The following KCNIP1 variants were observed in gnomAD, a reference collection of about 807,000 sequenced individuals.
KCNIP1 encodes A-type potassium channel modulatory protein KCNIP1.
A neutral mutation model predicts 33.0 loss-of-function variants in KCNIP1; 18 were observed. That is an observed-to-expected ratio of 0.55 (90% CI 0.38 to 0.81). The LOEUF (loss-of-function observed/expected upper bound fraction) is 0.81, where lower values mean the gene tolerates loss of function less well. Among genes scored for constraint, KCNIP1 ranks in the 30% least tolerant of loss-of-function variants. The probability of loss-of-function intolerance (pLI) is 0.00; values close to 1 mark genes in which losing one functional copy is unlikely to be tolerated. For synonymous variants in KCNIP1, 93 were observed against 98.3 expected (o/e 0.95, Z 0.32); for missense variants, 238 against 271.6 (o/e 0.88, Z 0.87).
Position 170,505,659 on chromosome 5 carries a change from C to T in KCNIP1, c.61+1026C>T, listed in dbSNP as rs183594953. 3.9e-5 allele frequency among the ~76,000 whole-genome samples: 6 copies of T among 152,250 alleles called. No individual in the cohort carries two copies. The East Asian group carries it at 1.2e-3, about 29-fold the overall frequency. On this transcript the variant is annotated intron_variant, in intron 1 of 7. Coordinates refer to ENST00000328939, the MANE Select transcript of KCNIP1 (RefSeq NM_014592.4). ...AAGGGACCCCAAGTGAACAATAAGT[C>T]TCCTCTTAGAACTTGGTTGGTCTCA...
intron 1 of KCNIP1, among the ~76,000 whole-genome samples, chr5:170,417,989 G>A (rs187031769): frequency 2.8e-4 from 43 of 152,224 alleles, no homozygotes; most frequent in Non-Finnish European, 5.1e-4. Flanking sequence ...GTGCTGCCAC[G>A]TTAAATTCTC....
chr5:170,608,899 A>G (rs1481184545), intron 1 of KCNIP1, among the ~76,000 whole-genome samples: 1 of 152,170 alleles, frequency 6.6e-6, no homozygotes, highest in Non-Finnish European at 1.5e-5. Context: ...TAAAAGTCCA[A>G]GTGGGAAGCA....
intron 1 of KCNIP1, among the ~76,000 whole-genome samples, chr5:170,596,924 G>C (rs1758459803): frequency 6.6e-6 from 1 of 152,220 alleles, no homozygotes; most frequent in Non-Finnish European, 1.5e-5. Flanking sequence ...AGCTCACGCT[G>C]AGTGAGCACT....
chr5:170,403,483 G>C (rs1473380450), intron 1 of KCNIP1, among the ~76,000 whole-genome samples: 1 of 152,210 alleles, frequency 6.6e-6, no homozygotes, highest in Admixed American at 6.5e-5. Flanking sequence ...GGATGGGGCT[G>C]TAGGCAGCAT....
rs888490379 is a variant in KCNIP1 at position 170,399,343 on chromosome 5, G to A, written c.88+45379G>A. Among the ~76,000 whole-genome samples, 6 of 152,156 alleles carry A rather than the reference G, an allele frequency of 3.9e-5. No individual in the cohort carries two copies. In the East Asian group the frequency reaches 7.7e-4, roughly 20 times the overall value. ...GACCATTAGCATTAACCTTAAACAC[G>A]CTTTGTGAATGCCTGCCTGCTCACT... On this transcript the variant is annotated intron_variant, in intron 1 of 7. Transcript: ENST00000377360.
intron 1 of KCNIP1, chr5:170,389,812 T>A (rs191053013): frequency 6.6e-6 from 1 of 152,348 alleles, no homozygotes; most frequent in East Asian, 1.9e-4. Context: ...CTGAGCAAGT[T>A]ATGGCACCTC....
At chr5:170,684,399 GC>G (rs1762470156) in intron 1 of KCNIP1, among the ~76,000 whole-genome samples, 2 of 152,168 alleles carry the variant, frequency 1.3e-5, no homozygotes, top group Admixed American at 1.3e-4. Context: ...GCCTCTTCCA[GC>G]TTTTGGTAGC....
intron 1 of KCNIP1, among the ~76,000 whole-genome samples, chr5:170,528,123 C>T (rs1318220211): frequency 2.6e-5 from 4 of 152,042 alleles, no homozygotes; most frequent in Non-Finnish European, 5.9e-5. Context: ...TGCCTGGGGC[C>T]TGCCCTGGAG....
intron 1 of KCNIP1, among the ~76,000 whole-genome samples, chr5:170,559,594 C>T (rs1262166451): frequency 6.6e-6 from 1 of 152,180 alleles, no homozygotes; most frequent in African/African-American, 2.4e-5. Context: ...ATACGTACCC[C>T]TCTTCTATTG....
chr5:170,585,158 G>GA (rs58665901), intron 1 of KCNIP1, among the ~76,000 whole-genome samples: 24,698 of 151,152 alleles, frequency 0.16, 2,132 homozygotes, highest in African/African-American at 0.24. Flanking sequence ...AGAAAAAAAA[G>GA]AAAAAAAAAT....
intron 1 of KCNIP1, among the ~76,000 whole-genome samples, chr5:170,636,569 C>T (rs1295766249): frequency 1.3e-5 from 2 of 152,168 alleles, no homozygotes; most frequent in African/African-American, 4.8e-5. Context: ...CAATATGACA[C>T]GGCCACGCTT....
intron 1 of KCNIP1, among the ~76,000 whole-genome samples, chr5:170,454,870 T>TA (rs1308114014): frequency 1.3e-5 from 2 of 152,102 alleles, no homozygotes; most frequent in Non-Finnish European, 2.9e-5. Context: ...CAATGAAGGT[T>TA]AAAAAAATAT....
chr5:170,552,814 A>G (rs1418999682), intron 1 of KCNIP1, among the ~76,000 whole-genome samples: 2 of 152,246 alleles, frequency 1.3e-5, no homozygotes, highest in African/African-American at 4.8e-5. Flanking sequence ...GCTGCAGGGC[A>G]GGAACTGTAG....
Position 170,709,195 on chromosome 5 carries a change from A to G in KCNIP1, c.62-9563A>G, listed in dbSNP as rs547132235. Among the ~76,000 whole-genome samples, 230 of 152,286 alleles carry G rather than the reference A, an allele frequency of 1.5e-3. 1 individual carries two copies. Among genetic ancestry groups the G allele is most frequent in the Non-Finnish European group, 2.6e-3 (180 of 68,024 alleles). On this transcript the variant is annotated intron_variant, in intron 1 of 7. Transcript: ENST00000328939. ...TAATTATGTTGCTCAGATCTTCTAT[A>G]CCCCTATTGATTTTTTTGTCTGTTT...
chr5:170,433,945 C>T (rs899857788), intron 1 of KCNIP1, among the ~76,000 whole-genome samples: 1 of 152,186 alleles, frequency 6.6e-6, no homozygotes, highest in African/African-American at 2.4e-5. Flanking sequence ...TGCAGAGGGG[C>T]CTCCTGCTCA....
upstream of KCNIP1, among the ~76,000 whole-genome samples, chr5:170,500,416 AC>A (rs1052148014): frequency 7.2e-5 from 11 of 152,202 alleles, no homozygotes; most frequent in African/African-American, 2.4e-4. Context: ...AGCAACAGCC[AC>A]TGAAGCTCAG....
chr5:170,504,710 C>T lies in KCNIP1; in HGVS notation c.61+77C>T, dbSNP rs746395400. The T allele has an allele frequency of 7.2e-5, 87 of 1,202,384 alleles. No homozygotes were observed. The highest frequency in any genetic ancestry group is 1.0e-4 in the Non-Finnish European group (81 of 807,250). The allele number at this position is 1,202,384 out of a possible 1,614,324, so 74.5% of individuals were successfully genotyped here. A position where few individuals can be genotyped will look rare whatever the true frequency, so the allele number is the denominator to read the frequency against. On this transcript the variant is annotated intron_variant, in intron 1 of 7. Coordinates refer to ENST00000328939, the MANE Select transcript of KCNIP1 (RefSeq NM_014592.4). This position sits in a 1 kb window ranked among gnomAD's most constrained non-coding sequence, Gnocchi z 6.0. The stretch of plus-strand genomic sequence containing the variant: ...CGCCGAGGTGGGCTGTGCCACCTGC[C>T]TCCCTTAGTCCGGACTCTCCTCTCC...
chr5:170,676,723 A>T (rs1435708081), intron 1 of KCNIP1, among the ~76,000 whole-genome samples: 1 of 152,204 alleles, frequency 6.6e-6, no homozygotes, highest in Non-Finnish European at 1.5e-5. Flanking sequence ...GTGTTTTCAG[A>T]TAACTAAGTG....
intron 1 of KCNIP1, among the ~76,000 whole-genome samples, chr5:170,430,706 C>A (rs1031634971): frequency 6.6e-6 from 1 of 152,200 alleles, no homozygotes; most frequent in African/African-American, 2.4e-5. Context: ...CAGTGAAGGA[C>A]AGAGCTGGGA....
Sources: allele counts gnomAD v4.1 joint callset (sites outside exome capture counted in the v4.1 genomes callset), GRCh38; gene constraint gnomAD v4.1.1; non-coding constraint Gnocchi (gnomAD v3.1); transcripts MANE v1.5; gene names NCBI Gene and HGNC (gene_info 2026-07-23, HGNC 2026-07-21).